Variants in MTMR10 observed in about 807,000 individuals in gnomAD.
MTMR10 encodes the protein myotubularin related protein 10.
MTMR10 carries 56 observed loss-of-function variants against 88.1 expected under a neutral mutation model. The observed-to-expected ratio is 0.64, with a 90% CI of 0.51 to 0.79. The LOEUF (loss-of-function observed/expected upper bound fraction) is 0.79, where lower values mean the gene tolerates loss of function less well. Among genes scored for constraint, MTMR10 ranks in the 30% least tolerant of loss-of-function variants. MTMR10 has a pLI of 0.00. For synonymous variants in MTMR10, 380 were observed against 340.9 expected (o/e 1.11, Z -1.26); for missense variants, 883 against 924.7 (o/e 0.95, Z 0.58).
chr15:30,942,150 T>A (rs534738464), intron 15 of MTMR10, 78 bp from the exon 16 acceptor site: 2 of 1,446,296 alleles, frequency 1.4e-6, no homozygotes, highest in East Asian at 4.6e-5. Flanking sequence ...AAATATAAAC[T>A]CAATACTATG....
In MTMR10 at chr15:30,955,020, A is replaced by AC. The variant is rs953649482; in HGVS notation, c.936-128dup. ...TAAGGTCTCTGCCTTCATGGAGTTT[A>AC]CTTTTTTTTTTTTAAGACAGAACCA... On this transcript the variant is annotated intron_variant, in intron 9 of 15. Transcript: ENST00000435680. 2.7e-5 allele frequency: 21 copies of AC among 771,346 alleles called. No homozygotes were observed. In the African/African-American group the frequency reaches 2.8e-4, roughly 10 times the overall value. 47.8% of individuals were successfully genotyped at this position (771,346 alleles called of 1,614,324 possible). A position where few individuals can be genotyped will look rare whatever the true frequency, so the allele number is the denominator to read the frequency against.
the MTMR10 span, among the ~76,000 whole-genome samples, chr15:30,923,642 A>G: frequency 6.6e-6 from 1 of 152,304 alleles, no homozygotes; most frequent in Non-Finnish European, 1.5e-5. Context: ...GCAGAGGTGG[A>G]GCCAGCTGGG....
the MTMR10 span, among the ~76,000 whole-genome samples, chr15:30,923,710 G>A: frequency 1.9e-4 from 29 of 152,330 alleles, no homozygotes; most frequent in Non-Finnish European, 2.2e-4. Flanking sequence ...CCAGCGAACA[G>A]GGTGCCCTTC....
At chr15:30,929,566 TTTA>T in the MTMR10 span, among the ~76,000 whole-genome samples, 3 of 136,464 alleles carry the variant, frequency 2.2e-5, no homozygotes, top group South Asian at 2.1e-4. Flanking sequence ...ATATTATATC[TTTA>T]TTATATTTAT....
chr15:30,929,055 C>T, the MTMR10 span: 1 of 783,546 alleles, frequency 1.3e-6, no homozygotes, highest in Non-Finnish European at 2.0e-6. Context: ...TAATAAATTG[C>T]TTTTATATCA....
chr15:30,977,359 C>T lies in MTMR10; in HGVS notation c.122-404G>A, dbSNP rs568261892. On this transcript the variant is annotated intron_variant, in intron 2 of 15. Coordinates refer to ENST00000435680, the MANE Select transcript of MTMR10 (RefSeq NM_017762.3). ...ATGACTTGATCTCTCAAACCAATGC[C>T]TTTGATTCCTTTTGTAAGGAATGAG... 1.4e-4 allele frequency among the ~76,000 whole-genome samples: 21 copies of T among 152,262 alleles called. No individual in the cohort carries two copies. In the South Asian group the frequency reaches 4.4e-3, roughly 32 times the overall value.
chr15:30,932,007 G>T, the MTMR10 span, among the ~76,000 whole-genome samples: 4 of 151,404 alleles, frequency 2.6e-5, no homozygotes, highest in African/African-American at 4.9e-5. Context: ...CGGATCACGA[G>T]GTCAGGAGAT....
At chr15:30,985,989 T>A (rs1384621064) in intron 2 of MTMR10, among the ~76,000 whole-genome samples, 1 of 152,016 alleles carries the variant, frequency 6.6e-6, no homozygotes, top group East Asian at 1.9e-4. Flanking sequence ...GAAAGGATAA[T>A]TTGTCAAAAG....
At chr15:30,972,137 C>T (rs938077719) in intron 5 of MTMR10, among the ~76,000 whole-genome samples, 3 of 152,100 alleles carry the variant, frequency 2.0e-5, no homozygotes, top group African/African-American at 4.8e-5. Context: ...AATAGCAAAG[C>T]ATTTTCCAGA....
At chr15:30,944,764 A>T (rs540057650) in intron 14 of MTMR10, among the ~76,000 whole-genome samples, 1 of 152,140 alleles carries the variant, frequency 6.6e-6, no homozygotes, top group Non-Finnish European at 1.5e-5. Context: ...TAATCCCAGT[A>T]CTTTGGGAAG....
At chr15:30,980,335 G>A (rs974432706) in intron 2 of MTMR10, among the ~76,000 whole-genome samples, 4 of 152,188 alleles carry the variant, frequency 2.6e-5, no homozygotes, top group Non-Finnish European at 4.4e-5. Context: ...AGTAAATATG[G>A]AAACCAGGTT....
chr15:30,967,690 C>A (rs1272956931), intron 6 of MTMR10, among the ~76,000 whole-genome samples: 1 of 152,078 alleles, frequency 6.6e-6, no homozygotes, highest in East Asian at 1.9e-4. Context: ...AAATATCTGA[C>A]ATAACTTATA....
intron 9 of MTMR10, among the ~76,000 whole-genome samples, chr15:30,955,373 C>T (rs1028052666): frequency 2.6e-5 from 4 of 152,182 alleles, no homozygotes; most frequent in Admixed American, 6.5e-5. Flanking sequence ...CGGGTTCAAG[C>T]GATTCTCCTG....
chr15:30,929,397 G>GA, the MTMR10 span: 4 of 1,597,180 alleles, frequency 2.5e-6, no homozygotes, highest in Non-Finnish European at 3.4e-6. Context: ...AGCAAGCTCA[G>GA]GTAATGGTTC....
At chr15:30,919,400 A>G in the MTMR10 span, among the ~76,000 whole-genome samples, 10 of 125,712 alleles carry the variant, frequency 8.0e-5, no homozygotes, top group African/African-American at 3.0e-4. Context: ...AAAAAAAAAA[A>G]TCATAAGGGG....
rs1595958884 is a variant in MTMR10, at chr15:30,991,441, G to C, written c.60+6C>G. On this transcript the variant is annotated splice_donor_region_variant and intron_variant, in intron 1 of 15. Coordinates refer to ENST00000435680, the MANE Select transcript of MTMR10 (RefSeq NM_017762.3). ...AGTCGGGCGCTCGCGGGGAGGGGTT[G>C]TTTACCTGGGGCGGTGGCAGGAGGT... The C allele has an allele frequency of 1.3e-6, 2 of 1,491,724 alleles. No individual in the cohort carries two copies. The highest frequency in any genetic ancestry group is 5.5e-5 in the East Asian group (2 of 36,474). The allele number at this position is 1,491,724 out of a possible 1,614,324, so 92.4% of individuals were successfully genotyped here. A position where few individuals can be genotyped will look rare whatever the true frequency, so the allele number is the denominator to read the frequency against.
chr15:30,951,954 G>A lies in MTMR10; in HGVS notation c.1207+14C>T, dbSNP rs370382082. On this transcript the variant is annotated intron_variant, in intron 12 of 15. Transcript: ENST00000435680. Reference sequence around the variant, plus strand: ...TATGGTGGTCATGGTGCTTTCAGGAGTTACTTTAGTTACCTTGTAGGACTA... The same window carrying A: ...TATGGTGGTCATGGTGCTTTCAGGAATTACTTTAGTTACCTTGTAGGACTA... 2 of 1,606,912 alleles carry A rather than the reference G, an allele frequency of 1.2e-6. No individual in the cohort carries two copies. Among genetic ancestry groups the A allele is most frequent in the African/African-American group, 1.3e-5 (1 of 74,746 alleles).
intron 10 of MTMR10, among the ~76,000 whole-genome samples, chr15:30,953,957 G>T (rs540805230): frequency 1.3e-5 from 2 of 152,242 alleles, no homozygotes; most frequent in Non-Finnish European, 2.9e-5. Flanking sequence ...CCTGACCTGT[G>T]AGGTCAGCTG....
rs1304973786 is a variant in MTMR10 at position 30,940,305 on chromosome 15, A to AAAC, written c.*1162_*1164dup. ...TACTTTAGAGAGATTCAGATCAAGC[A>AAAC]AACAACTGTGTCTGCTCATTCTCCT... On this transcript the variant is annotated 3_prime_UTR_variant, in exon 16 of 16. Coordinates refer to ENST00000435680, the MANE Select transcript of MTMR10 (RefSeq NM_017762.3). The AAAC allele has an allele frequency of 2.0e-6, 2 of 985,436 alleles. No individual in the cohort carries two copies. Among genetic ancestry groups the AAAC allele is most frequent in the East Asian group, 2.3e-4 (2 of 8,820 alleles). The allele number at this position is 985,436 out of a possible 1,614,324, so 61.0% of individuals were successfully genotyped here.
Sources: allele counts gnomAD v4.1 joint callset (sites outside exome capture counted in the v4.1 genomes callset), GRCh38; gene constraint gnomAD v4.1.1; transcripts MANE v1.5; gene names NCBI Gene and HGNC (gene_info 2026-07-23, HGNC 2026-07-21).